The following PTPRM variants were observed in gnomAD, a reference collection of about 807,000 sequenced individuals.
PTPRM encodes receptor-type tyrosine-protein phosphatase mu.
PTPRM carries 47 observed loss-of-function variants against 186.7 expected under a neutral mutation model. That is an observed-to-expected ratio of 0.25 (90% CI 0.20 to 0.32). The LOEUF is 0.32. Ranked by LOEUF, PTPRM falls within the 10% of genes least tolerant of loss-of-function variation. PTPRM has a pLI of 1.00. For missense variants in PTPRM, 1,494 were observed against 1,865.0 expected (o/e 0.80, Z 3.66); for synonymous variants, 668 against 674.9 (o/e 0.99, Z 0.16).
At chr18:7,972,139 T>G (rs1464434545) in intron 7 of PTPRM, among the ~76,000 whole-genome samples, 2 of 113,408 alleles carry the variant, frequency 1.8e-5, no homozygotes, top group Non-Finnish European at 3.4e-5. Flanking sequence ...CCATAAAAAA[T>G]GATGAGTTCA....
Position 8,314,853 on chromosome 18 carries a change from T to C in PTPRM, c.2915T>C (p.Ile972Thr), listed in dbSNP as rs759175258. ...TCAGACTATATCAATGGCAATTATA[T>C]CGATGTATGTATTTTATTATTTTTA... ...TNSDYINGNY[I>T]DGYHRPNHYI... is the part of the protein sequence containing the mutation. Residue 972 changes from isoleucine to threonine, a missense_variant, in exon 21 of 33, where the codon ATC (isoleucine) becomes ACC (threonine). Coordinates refer to ENST00000580170, the MANE Select transcript of PTPRM (RefSeq NM_001105244.2). 2 of 1,578,650 alleles carry C rather than the reference T, an allele frequency of 1.3e-6. No individual in the cohort carries two copies. The highest frequency in any genetic ancestry group is 3.4e-5 in the Admixed American group (2 of 59,518).
chr18:7,595,377 C>T lies in PTPRM; in HGVS notation c.73+27486C>T, dbSNP rs571538426. On this transcript the variant is annotated intron_variant, in intron 1 of 32. Coordinates refer to ENST00000580170, the MANE Select transcript of PTPRM (RefSeq NM_001105244.2). The stretch of plus-strand genomic sequence containing the variant: ...CTGAGGAGGAATTGGCTGCAAAATG[C>T]GCCTCTAGGTAATGAGGCAGATTGA... Among the ~76,000 whole-genome samples, 104 of 152,216 alleles carry T rather than the reference C, an allele frequency of 6.8e-4. 1 individual carries two copies. The highest frequency in any genetic ancestry group is 2.3e-3 in the African/African-American group (96 of 41,544).
intron 1 of PTPRM, among the ~76,000 whole-genome samples, chr18:7,611,369 G>T (rs2037669185): frequency 6.6e-6 from 1 of 152,148 alleles, no homozygotes. Flanking sequence ...ACCACTCACT[G>T]ACCCATCCAG....
chr18:8,345,336 A>C (rs1324544361), intron 23 of PTPRM, among the ~76,000 whole-genome samples: 1 of 152,236 alleles, frequency 6.6e-6, no homozygotes, highest in Non-Finnish European at 1.5e-5. Context: ...GTTTTGTGAA[A>C]AGGTTAATAA....
chr18:7,950,193 C>T (rs1033166543), intron 6 of PTPRM, among the ~76,000 whole-genome samples: 1 of 152,052 alleles, frequency 6.6e-6, no homozygotes, highest in South Asian at 2.1e-4. Context: ...CCAGAAGTTC[C>T]AGACCAGCCT....
intron 1 of PTPRM, among the ~76,000 whole-genome samples, chr18:7,638,422 T>C (rs900572420): frequency 6.6e-6 from 1 of 152,222 alleles, no homozygotes; most frequent in Non-Finnish European, 1.5e-5. Context: ...TCAAACTCTG[T>C]CATGAAAAGA....
intron 2 of PTPRM, among the ~76,000 whole-genome samples, chr18:7,824,586 A>G (rs1160475074): frequency 2.0e-5 from 3 of 151,980 alleles, no homozygotes; most frequent in Admixed American, 6.6e-5. Context: ...TATTTTTCCT[A>G]TTAGTAACTA....
chr18:7,948,616 T>C (rs1037416287), intron 5 of PTPRM, among the ~76,000 whole-genome samples: 2 of 152,210 alleles, frequency 1.3e-5, no homozygotes, highest in East Asian at 3.9e-4. Flanking sequence ...TGTCATTTAA[T>C]AGTTACTAGG....
intron 2 of PTPRM, among the ~76,000 whole-genome samples, chr18:7,809,471 A>G (rs1056511769): frequency 6.6e-6 from 1 of 151,818 alleles, no homozygotes; most frequent in East Asian, 1.9e-4. Flanking sequence ...CACCGCACTC[A>G]CACCCCTTCT....
intron 20 of PTPRM, among the ~76,000 whole-genome samples, chr18:8,304,593 T>C (rs760171137): frequency 1.3e-5 from 2 of 152,180 alleles, no homozygotes; most frequent in Admixed American, 6.5e-5. Flanking sequence ...TAACATTGAG[T>C]TGTGATTATG....
chr18:8,070,072 G>A (rs1463944355), intron 8 of PTPRM, 78 bp downstream of exon 8: 1 of 1,302,332 alleles, frequency 7.7e-7, no homozygotes, highest in Non-Finnish European at 1.1e-6. Context: ...TCTTTGCTGT[G>A]CAGATGGAAG....
intron 14 of PTPRM, among the ~76,000 whole-genome samples, chr18:8,224,218 T>A (rs1231054989): frequency 1.4e-5 from 2 of 145,364 alleles, no homozygotes; most frequent in Non-Finnish European, 3.0e-5. Flanking sequence ...TCTGTGTCAT[T>A]TGCTTCTAAG....
intron 1 of PTPRM, among the ~76,000 whole-genome samples, chr18:7,628,602 G>A (rs1270743207): frequency 6.6e-6 from 1 of 152,124 alleles, no homozygotes; most frequent in African/African-American, 2.4e-5. Flanking sequence ...GGAAAACTAA[G>A]CTTGAATTCA....
chr18:8,268,122 T>G (rs575056936), intron 19 of PTPRM, among the ~76,000 whole-genome samples: 12 of 152,250 alleles, frequency 7.9e-5, no homozygotes, highest in African/African-American at 2.6e-4. Context: ...GGAAAAACTC[T>G]GTATAGTTTT....
Position 7,568,459 on chromosome 18 carries a change from G to A in PTPRM, c.73+568G>A, listed in dbSNP as rs1279035412. Among the ~76,000 whole-genome samples the A allele has an allele frequency of 6.6e-6, 1 of 151,796 alleles. No individual in the cohort carries two copies. Among genetic ancestry groups the A allele is most frequent in the Non-Finnish European group, 1.5e-5 (1 of 67,794 alleles). ...CGGCTGGCGACCCCGGGAGGTCCCC[G>A]CGGTCGTGCAGCGTCTGCGGAGAGG... On this transcript the variant is annotated intron_variant, in intron 1 of 32. Transcript: ENST00000580170. The surrounding 1 kb of genome is among the most constrained non-coding windows in gnomAD (Gnocchi z 5.1).
chr18:8,294,144 C>G (rs1428417713), intron 19 of PTPRM, among the ~76,000 whole-genome samples: 1 of 152,022 alleles, frequency 6.6e-6, no homozygotes, highest in East Asian at 1.9e-4. Flanking sequence ...TCCAGCTACT[C>G]GGGAGGCTGA....
chr18:8,380,728 C>T (rs1422695579), intron 29 of PTPRM, among the ~76,000 whole-genome samples: 3 of 152,150 alleles, frequency 2.0e-5, no homozygotes, highest in Non-Finnish European at 4.4e-5. Flanking sequence ...TTGACAAGGT[C>T]GCAGACCGAG....
intron 2 of PTPRM, among the ~76,000 whole-genome samples, chr18:7,789,951 A>G (rs1182353698): frequency 6.6e-6 from 1 of 152,126 alleles, no homozygotes; most frequent in African/African-American, 2.4e-5. Context: ...TTTCTCATTT[A>G]ATTTATCTTT....
chr18:8,366,659 T>C (rs1245954355), intron 23 of PTPRM, among the ~76,000 whole-genome samples: 1 of 152,190 alleles, frequency 6.6e-6, no homozygotes, highest in Admixed American at 6.5e-5. Flanking sequence ...TTTGTGAGTT[T>C]TAAAGCCAAT....
Sources: gnomAD v4.1 joint callset for allele counts (sites outside exome capture counted in the v4.1 genomes callset) on GRCh38, gnomAD v4.1.1 for gene constraint, Gnocchi (gnomAD v3.1) non-coding constraint, MANE v1.5 for transcripts, NCBI Gene and HGNC (gene_info 2026-07-23, HGNC 2026-07-21) for gene names.